Variants in CADM1 observed in about 807,000 individuals in gnomAD.
The protein encoded by CADM1 is TSLC-1.
Under a neutral mutation model 53.1 loss-of-function variants are expected in CADM1, and 15 were observed. The observed-to-expected ratio is 0.28, with a 90% CI of 0.19 to 0.44. The LOEUF (loss-of-function observed/expected upper bound fraction) is 0.44, where lower values mean the gene tolerates loss of function less well. Ranked by LOEUF, CADM1 falls within the 20% of genes least tolerant of loss-of-function variation. The probability of loss-of-function intolerance (pLI) is 1.00; values close to 1 mark genes in which losing one functional copy is unlikely to be tolerated. For missense variants in CADM1, 434 were observed against 611.3 expected (o/e 0.71, Z 3.06); for synonymous variants, 281 against 243.0 (o/e 1.16, Z -1.45).
intron 1 of CADM1, among the ~76,000 whole-genome samples, chr11:115,293,702 T>C (rs1055766041): frequency 3.6e-4 from 55 of 152,208 alleles, no homozygotes; most frequent in Admixed American, 3.4e-3. Context: ...TGCTTAATAA[T>C]ATTTATTATT....
chr11:115,418,649 T>C (rs1184588890), intron 1 of CADM1, among the ~76,000 whole-genome samples: 1 of 152,194 alleles, frequency 6.6e-6, no homozygotes, highest in Non-Finnish European at 1.5e-5. Context: ...AAAGAGCCTA[T>C]AGCCCAAACC....
intron 1 of CADM1, among the ~76,000 whole-genome samples, chr11:115,448,609 G>C (rs543153736): frequency 8.3e-6 from 1 of 120,600 alleles, no homozygotes; most frequent in African/African-American, 3.1e-5. Context: ...AAAAATTATA[G>C]AAAACAGAAC....
chr11:115,402,220 CT>C (rs1410509440), intron 1 of CADM1, among the ~76,000 whole-genome samples: 3 of 151,976 alleles, frequency 2.0e-5, no homozygotes, highest in Non-Finnish European at 4.4e-5. Context: ...ATTATAATGC[CT>C]AACATATAAA....
intron 1 of CADM1, among the ~76,000 whole-genome samples, chr11:115,387,717 G>A (rs1946733861): frequency 6.6e-6 from 1 of 152,074 alleles, no homozygotes; most frequent in South Asian, 2.1e-4. Context: ...CTGTGAAAAT[G>A]GTTTGAACTT....
At chr11:115,227,432 G>C (rs1941652203) in intron 5 of CADM1, among the ~76,000 whole-genome samples, 1 of 152,140 alleles carries the variant, frequency 6.6e-6, no homozygotes, top group South Asian at 2.1e-4. Flanking sequence ...GGAAAATACT[G>C]AAAGAGTTTA....
At chr11:115,364,316 C>T (rs1946103307) in intron 1 of CADM1, among the ~76,000 whole-genome samples, 1 of 152,172 alleles carries the variant, frequency 6.6e-6, no homozygotes, top group African/African-American at 2.4e-5. Context: ...TTATGCCCAT[C>T]CTTAAGTCTC....
intron 1 of CADM1, among the ~76,000 whole-genome samples, chr11:115,245,668 T>C (rs995345100): frequency 7.9e-5 from 12 of 152,172 alleles, no homozygotes; most frequent in Non-Finnish European, 2.9e-5. Context: ...GTTGAGTACG[T>C]TCAGGAAAAG....
intron 1 of CADM1, among the ~76,000 whole-genome samples, chr11:115,365,059 G>A (rs1946123870): frequency 6.6e-6 from 1 of 152,178 alleles, no homozygotes; most frequent in Non-Finnish European, 1.5e-5. Flanking sequence ...ATGCCCTGAT[G>A]TGAAGGGCAT....
intron 1 of CADM1, among the ~76,000 whole-genome samples, chr11:115,440,846 G>A (rs141808655): frequency 5.9e-5 from 9 of 152,174 alleles, no homozygotes; most frequent in Non-Finnish European, 1.0e-4. Flanking sequence ...TGGCATGAAC[G>A]TGAGTCACTG....
At chr11:115,338,679 G>A (rs1945330920) in intron 1 of CADM1, among the ~76,000 whole-genome samples, 2 of 152,016 alleles carry the variant, frequency 1.3e-5, no homozygotes, top group Non-Finnish European at 2.9e-5. Context: ...CTACTGTGGT[G>A]TGTGCTATGG....
chr11:115,419,107 T>C (rs1180107990), intron 1 of CADM1, among the ~76,000 whole-genome samples: 2 of 152,346 alleles, frequency 1.3e-5, no homozygotes, highest in East Asian at 3.9e-4. Flanking sequence ...TGCTATGCTC[T>C]GCTACAGAAG....
At chr11:115,381,357 A>G (rs973262978) in intron 1 of CADM1, among the ~76,000 whole-genome samples, 1 of 152,168 alleles carries the variant, frequency 6.6e-6, no homozygotes, top group Non-Finnish European at 1.5e-5. Flanking sequence ...CAATTCCAGA[A>G]CAAGATGACA....
chr11:115,307,547 A>G (rs1330872923), intron 1 of CADM1, among the ~76,000 whole-genome samples: 2 of 150,548 alleles, frequency 1.3e-5, no homozygotes, highest in Non-Finnish European at 1.5e-5. Context: ...CTGAGACCCA[A>G]TTACTAAAAT....
At chr11:115,379,565 A>T (rs2135149050) in intron 1 of CADM1, among the ~76,000 whole-genome samples, 1 of 152,360 alleles carries the variant, frequency 6.6e-6, no homozygotes, top group South Asian at 2.1e-4. Context: ...AAAGTACTGC[A>T]CTAGATTTTT....
chr11:115,392,134 T>C (rs1046167105), intron 1 of CADM1, among the ~76,000 whole-genome samples: 17 of 152,146 alleles, frequency 1.1e-4, no homozygotes, highest in African/African-American at 4.8e-5. Context: ...TAGTCCTTCT[T>C]ACCTTGCTTA....
chr11:115,318,985 CACTT>C (rs1372170463), intron 1 of CADM1, among the ~76,000 whole-genome samples: 1 of 152,118 alleles, frequency 6.6e-6, no homozygotes, highest in Non-Finnish European at 1.5e-5. Context: ...TGCATTAACT[CACTT>C]GATACTCAAA....
intron 1 of CADM1, among the ~76,000 whole-genome samples, chr11:115,294,453 T>C (rs1943994079): frequency 6.6e-6 from 1 of 152,124 alleles, no homozygotes; most frequent in Admixed American, 6.6e-5. Flanking sequence ...TCTACCGCCA[T>C]CTCTTCTAGT....
intron 1 of CADM1, among the ~76,000 whole-genome samples, chr11:115,456,629 G>A (rs1405620289): frequency 6.6e-6 from 1 of 152,040 alleles, no homozygotes; most frequent in Non-Finnish European, 1.5e-5. Context: ...CACTGGATAG[G>A]AAATGCAAAA....
At chr11:115,361,943 T>C (rs1946040689) in intron 1 of CADM1, among the ~76,000 whole-genome samples, 1 of 152,096 alleles carries the variant, frequency 6.6e-6, no homozygotes. Context: ...TCTCTCTCTG[T>C]TGCCCATGCT....
Sources: allele counts gnomAD v4.1 joint callset (sites outside exome capture counted in the v4.1 genomes callset), GRCh38; gene constraint gnomAD v4.1.1; transcripts MANE v1.5; gene names NCBI Gene and HGNC (gene_info 2026-07-23, HGNC 2026-07-21).